Variants in UBE2D3 observed in about 807,000 individuals in gnomAD.
The protein encoded by UBE2D3 is ubiquitin-conjugating enzyme E2 D3.
A neutral mutation model predicts 22.8 loss-of-function variants in UBE2D3; 2 were observed. The observed-to-expected ratio is 0.09, with a 90% CI of 0.04 to 0.28. UBE2D3 has a LOEUF of 0.28. UBE2D3 is among the 10% of genes least tolerant of loss of function. The pLI is 1.00. For synonymous variants in UBE2D3, 56 were observed against 60.4 expected, an observed-to-expected ratio of 0.93 and a Z score of 0.34; for missense variants, 27 against 182.5, an observed-to-expected ratio of 0.15 and a Z score of 4.91.
At chr4:102,806,719 A>T (rs1450658738) in intron 4 of UBE2D3, among the ~76,000 whole-genome samples, 1 of 152,014 alleles carries the variant, frequency 6.6e-6, no homozygotes, top group African/African-American at 2.4e-5. Context: ...CTTTTTCTGG[A>T]TTTCCAATAA....
At chr4:102,857,981 C>T (rs927532717) in intron 1 of UBE2D3, among the ~76,000 whole-genome samples, 4 of 152,036 alleles carry the variant, frequency 2.6e-5, no homozygotes, top group African/African-American at 4.8e-5. Context: ...CATGAGCCAC[C>T]GTGCCCGGCC....
chr4:102,810,739 T>A (rs191056802), intron 2 of UBE2D3: 1 of 152,296 alleles, frequency 6.6e-6, no homozygotes, highest in Admixed American at 6.5e-5. Flanking sequence ...CACTGTTCCA[T>A]GACTTGTGCA....
At chr4:102,826,999 G>C (rs1447141842) in intron 1 of UBE2D3, 24 of 996,968 alleles carry the variant, frequency 2.4e-5, no homozygotes, top group Non-Finnish European at 2.9e-5. Context: ...GGAGGGGGAA[G>C]CATAAGACTC....
chr4:102,825,451 A>G, intron 2 of UBE2D3: 1 of 1,138,470 alleles, frequency 8.8e-7, no homozygotes, highest in Non-Finnish European at 1.1e-6. Context: ...TATAAAAGTT[A>G]ACATTTAACA....
intron 4 of UBE2D3, among the ~76,000 whole-genome samples, chr4:102,808,514 TCTTA>T (rs1245123032): frequency 6.6e-6 from 1 of 152,144 alleles, no homozygotes; most frequent in Non-Finnish European, 1.5e-5. Context: ...CCCTGCCATG[TCTTA>T]CTTTGATTTA....
chr4:102,825,577 C>A, intron 2 of UBE2D3: 1 of 1,201,034 alleles, frequency 8.3e-7, no homozygotes, highest in African/African-American at 1.6e-5. Context: ...TGAGACTAAA[C>A]CACCGGAGGT....
At chr4:102,817,718 C>G (rs1457273465) in intron 2 of UBE2D3, among the ~76,000 whole-genome samples, 3 of 152,184 alleles carry the variant, frequency 2.0e-5, no homozygotes, top group Admixed American at 2.0e-4. Flanking sequence ...TAACCATCCA[C>G]CGTTAGTCTG....
intron 1 of UBE2D3, among the ~76,000 whole-genome samples, chr4:102,847,118 T>C (rs1401984181): frequency 1.3e-5 from 2 of 152,190 alleles, no homozygotes; most frequent in Non-Finnish European, 2.9e-5. Context: ...CCCTATCGTA[T>C]GTCTTAGGAC....
chr4:102,803,791 C>T (rs1354374591), intron 4 of UBE2D3, among the ~76,000 whole-genome samples: 4 of 152,116 alleles, frequency 2.6e-5, no homozygotes, highest in African/African-American at 7.2e-5. Context: ...TTATTTGAGA[C>T]GGAGTCTCAC....
intron 1 of UBE2D3, among the ~76,000 whole-genome samples, chr4:102,849,312 C>T (rs1213753733): frequency 2.0e-5 from 3 of 148,042 alleles, no homozygotes; most frequent in Non-Finnish European, 4.5e-5. Context: ...TGCAGTGAGC[C>T]CTGGTTGTGC....
At chr4:102,813,253 C>T (rs1476962133) in intron 2 of UBE2D3, among the ~76,000 whole-genome samples, 1 of 152,202 alleles carries the variant, frequency 6.6e-6, no homozygotes, top group Non-Finnish European at 1.5e-5. Context: ...GAATCACAAT[C>T]ATAAGGCACT....
intron 1 of UBE2D3, among the ~76,000 whole-genome samples, chr4:102,845,684 A>T (rs1289495286): frequency 6.6e-6 from 1 of 152,186 alleles, no homozygotes; most frequent in African/African-American, 2.4e-5. Context: ...CCTCATGATC[A>T]TTTAGCCATT....
intron 1 of UBE2D3, among the ~76,000 whole-genome samples, chr4:102,833,035 T>C (rs1353459064): frequency 6.6e-6 from 1 of 150,654 alleles, no homozygotes; most frequent in African/African-American, 2.4e-5. Flanking sequence ...AAACAAAATA[T>C]GATATTCTAA....
intron 4 of UBE2D3, among the ~76,000 whole-genome samples, chr4:102,804,893 G>A (rs1259687292): frequency 6.6e-6 from 1 of 151,954 alleles, no homozygotes; most frequent in Non-Finnish European, 1.5e-5. Context: ...TTTTAGTTGA[G>A]AGGCTGGTCT....
chr4:102,811,977 T>G (rs1416993602), intron 2 of UBE2D3: 1 of 186,134 alleles, frequency 5.4e-6, no homozygotes, highest in Non-Finnish European at 1.1e-5. Context: ...TCCCTATAAC[T>G]ACAGGAATTT....
intron 5 of UBE2D3, 112 bp downstream of exon 5, chr4:102,802,449 G>T: frequency 3.9e-6 from 3 of 769,966 alleles, no homozygotes; most frequent in Non-Finnish European, 6.0e-6. Context: ...ATACATGAGT[G>T]CAATTCAACA....
At chr4:102,813,333 C>T (rs556251871) in intron 2 of UBE2D3, among the ~76,000 whole-genome samples, 3 of 152,188 alleles carry the variant, frequency 2.0e-5, no homozygotes, top group Admixed American at 6.5e-5. Flanking sequence ...GTTGCAGGTA[C>T]GCATCACTAT....
At chr4:102,799,898 A>AT (rs1725873397) in intron 6 of UBE2D3, among the ~76,000 whole-genome samples, 3 of 151,234 alleles carry the variant, frequency 2.0e-5, no homozygotes, top group Non-Finnish European at 4.4e-5. Context: ...GCCATTAGGC[A>AT]TGATGAAAAA....
At chr4:102,851,645 A>AT (rs1161135525) in intron 1 of UBE2D3, among the ~76,000 whole-genome samples, 55 of 142,978 alleles carry the variant, frequency 3.8e-4, no homozygotes, top group South Asian at 2.3e-3. Context: ...TAGAACCCCC[A>AT]TTTTTTTTTG....
Sources: allele counts gnomAD v4.1 joint callset (sites outside exome capture counted in the v4.1 genomes callset), GRCh38; gene constraint gnomAD v4.1.1; transcripts MANE v1.5; gene names NCBI Gene and HGNC (gene_info 2026-07-23, HGNC 2026-07-21).